The following SPOP variants were observed in gnomAD, a reference collection of about 807,000 sequenced individuals.
The protein encoded by SPOP is speckle-type POZ protein.
Under a neutral mutation model 45.6 loss-of-function variants are expected in SPOP, and 11 were observed. That is an observed-to-expected ratio of 0.24 (90% CI 0.15 to 0.40). The LOEUF (loss-of-function observed/expected upper bound fraction) is 0.40, where lower values mean the gene tolerates loss of function less well. SPOP is among the 10% of genes least tolerant of loss of function. The pLI is 1.00. For missense variants in SPOP, 152 were observed against 465.6 expected (o/e 0.33, Z 6.20); for synonymous variants, 166 against 166.3 (o/e 1.00, Z 0.01).
chr17:49,668,545 G>A (rs1432694188), intron 1 of SPOP, among the ~76,000 whole-genome samples: 1 of 152,070 alleles, frequency 6.6e-6, no homozygotes, highest in African/African-American at 2.4e-5. Context: ...AGGAGGGAGG[G>A]AAGAAGAAAA....
chr17:49,601,959 T>G lies in SPOP; in HGVS notation c.886A>C (p.Asn296His). The G allele has an allele frequency of 6.2e-7, 1 of 1,614,154 alleles. No homozygotes were observed. Among genetic ancestry groups the G allele is most frequent in the Non-Finnish European group, 8.5e-7 (1 of 1,179,990 alleles). The change falls in exon 9 of 10, where the codon AAC (asparagine) becomes CAC (histidine). Residue 296 changes from asparagine (N) to histidine (H), a missense_variant. By Grantham distance (68) the Asn-to-His change is moderately conservative. Coordinates refer to ENST00000504102, the MANE Select transcript of SPOP (RefSeq NM_001007228.2). Reference sequence around the variant, plus strand: ...TCTGCAGCGTTCTCCACGGACAGGTTACTGCAGAGGGCATCCTCACACATG... The same window carrying G: ...TCTGCAGCGTTCTCCACGGACAGGTGACTGCAGAGGGCATCCTCACACATG... The part of the protein sequence containing the change: ...KVMCEDALCS[N>H]LSVENAAEIL...
At chr17:49,677,192 A>T (rs2073210547) in intron 1 of SPOP, among the ~76,000 whole-genome samples, 1 of 152,212 alleles carries the variant, frequency 6.6e-6, no homozygotes, top group South Asian at 2.1e-4. Flanking sequence ...CCCCTGCCAG[A>T]ATAAGTGATG....
At chr17:49,676,251 G>C (rs751540816) in intron 1 of SPOP, among the ~76,000 whole-genome samples, 76 of 152,068 alleles carry the variant, frequency 5.0e-4, no homozygotes, top group Non-Finnish European at 3.2e-4. Context: ...ACCTAAGGGT[G>C]GGGTAGTCTT....
chr17:49,606,235 C>A (rs1416569621), intron 8 of SPOP, among the ~76,000 whole-genome samples: 1 of 151,968 alleles, frequency 6.6e-6, no homozygotes, highest in Non-Finnish European at 1.5e-5. Flanking sequence ...CTCACTGTGG[C>A]CTCAACCTCC....
At chr17:49,631,863 G>C (rs1480028755) in intron 1 of SPOP, among the ~76,000 whole-genome samples, 2 of 152,068 alleles carry the variant, frequency 1.3e-5, no homozygotes, top group East Asian at 3.8e-4. Context: ...AGTCTTCCCT[G>C]ACCACCCAAT....
chr17:49,660,769 C>T (rs541148000), intron 1 of SPOP, among the ~76,000 whole-genome samples: 132 of 152,228 alleles, frequency 8.7e-4, no homozygotes, highest in African/African-American at 3.2e-3. Flanking sequence ...TCGAAACCAT[C>T]CTGGCTAACA....
At chr17:49,671,561 G>A (rs114757941) in intron 1 of SPOP, among the ~76,000 whole-genome samples, 1,616 of 151,808 alleles carry the variant, frequency 0.011, 34 homozygotes, top group African/African-American at 0.036. Flanking sequence ...GGTAATGTTG[G>A]TAAAACAGAA....
At chr17:49,675,539 T>G (rs1404057852) in intron 1 of SPOP, among the ~76,000 whole-genome samples, 1 of 152,240 alleles carries the variant, frequency 6.6e-6, no homozygotes, top group African/African-American at 2.4e-5. Context: ...GACTTCACTC[T>G]CTGTGTACCT....
At chr17:49,601,695 C>G (rs2071743003) in intron 9 of SPOP, 170 bp downstream of exon 9, 1 of 761,836 alleles carries the variant, frequency 1.3e-6, no homozygotes, top group Non-Finnish European at 2.0e-6. Flanking sequence ...AGGATTCAAC[C>G]CATGAAGTCA....
In SPOP at chr17:49,600,144, G is replaced by A. The variant is rs886488937; in HGVS notation, c.*234C>T. On this transcript the variant is annotated 3_prime_UTR_variant, in exon 10 of 10. Transcript: ENST00000504102. The surrounding 1 kb of genome is among the most constrained non-coding windows in gnomAD (Gnocchi z 4.2). ...CTGAATCCCCACAGTATCAAACTCA[G>A]CCAGGCCAAAGGGAACACAGTGACG... 4.1e-5 allele frequency: 24 copies of A among 579,504 alleles called. No individual in the cohort carries two copies. Among genetic ancestry groups the A allele is most frequent in the Non-Finnish European group, 7.3e-5 (24 of 330,506 alleles). 35.9% of individuals were successfully genotyped at this position (579,504 alleles called of 1,614,324 possible).
At chr17:49,647,842 T>A (rs955522946) in intron 1 of SPOP, among the ~76,000 whole-genome samples, 1 of 152,198 alleles carries the variant, frequency 6.6e-6, no homozygotes, top group African/African-American at 2.4e-5. Flanking sequence ...CATCATTAAT[T>A]TTTTCAAATA....
chr17:49,628,459 T>A (rs1029662838), intron 1 of SPOP, among the ~76,000 whole-genome samples: 1 of 152,098 alleles, frequency 6.6e-6, no homozygotes, highest in African/African-American at 2.4e-5. Context: ...CATTAACCAG[T>A]TTTGATGTGA....
At chr17:49,625,834 G>A (rs1483085920) in intron 1 of SPOP, among the ~76,000 whole-genome samples, 1 of 152,208 alleles carries the variant, frequency 6.6e-6, no homozygotes, top group Non-Finnish European at 1.5e-5. Context: ...CTGGGAGAGG[G>A]AAGGAAGGAG....
intron 1 of SPOP, among the ~76,000 whole-genome samples, chr17:49,626,090 CTGAACACCTAGTTTGT>C (rs1282745769): frequency 6.6e-5 from 10 of 152,054 alleles, no homozygotes; most frequent in Admixed American, 2.0e-4. Context: ...GAGAAATTTC[CTGAACACCTAGTTTGT>C]TTTCAAAGGC....
intron 1 of SPOP, among the ~76,000 whole-genome samples, chr17:49,675,566 T>A (rs894509346): frequency 6.6e-6 from 1 of 152,238 alleles, no homozygotes; most frequent in Admixed American, 6.5e-5. Context: ...TTTTGTTTCA[T>A]ATGTATGTAC....
chr17:49,640,659 A>C (rs1409820205), intron 1 of SPOP, among the ~76,000 whole-genome samples: 3 of 152,184 alleles, frequency 2.0e-5, no homozygotes, highest in Admixed American at 6.5e-5. Context: ...CTCTGATGGA[A>C]CCTCCAGTAA....
intron 1 of SPOP, among the ~76,000 whole-genome samples, chr17:49,648,059 T>G (rs2072788002): frequency 6.6e-6 from 1 of 152,192 alleles, no homozygotes; most frequent in Non-Finnish European, 1.5e-5. Flanking sequence ...AACCCTATCT[T>G]TTCCTATCCT....
rs1330147545 is a variant in SPOP, at chr17:49,599,323, A to T, written c.*1055T>A. The stretch of plus-strand genomic sequence containing the variant: ...TATTTATATTTTCAAAAAAAAAAAA[A>T]TTAACATTTGGAAGTTCTCCCCTGG... On this transcript the variant is annotated 3_prime_UTR_variant, in exon 10 of 10. Coordinates refer to ENST00000504102, the MANE Select transcript of SPOP (RefSeq NM_001007228.2). 9.0e-6 allele frequency: 2 copies of T among 221,046 alleles called. No individual in the cohort carries two copies. Among genetic ancestry groups the T allele is most frequent in the Non-Finnish European group, 9.1e-6 (1 of 110,226 alleles). The allele number at this position is 221,046 out of a possible 1,614,324, so 13.7% of individuals were successfully genotyped here.
intron 5 of SPOP, among the ~76,000 whole-genome samples, chr17:49,614,466 G>A (rs937787755): frequency 2.6e-5 from 4 of 152,102 alleles, no homozygotes; most frequent in Non-Finnish European, 5.9e-5. Context: ...TAATAAACAA[G>A]TGCATGATAA....
Sources: gnomAD v4.1 joint callset for allele counts (sites outside exome capture counted in the v4.1 genomes callset) on GRCh38, gnomAD v4.1.1 for gene constraint, Gnocchi (gnomAD v3.1) non-coding constraint, MANE v1.5 for transcripts, NCBI Gene and HGNC (gene_info 2026-07-23, HGNC 2026-07-21) for gene names.